DPY19L3: variants seen among roughly 807,000 people sequenced by gnomAD.
DPY19L3 encodes the protein protein C-mannosyl-transferase DPY19L3.
A neutral mutation model predicts 92.3 loss-of-function variants in DPY19L3; 51 were observed. The observed-to-expected ratio is 0.55, with a 90% CI of 0.44 to 0.70. The LOEUF is 0.70. DPY19L3 is among the 30% of genes least tolerant of loss of function. The pLI is 0.00. For missense variants in DPY19L3, 706 were observed against 855.9 expected, an observed-to-expected ratio of 0.82 and a Z score of 2.18; for synonymous variants, 309 against 315.2, an observed-to-expected ratio of 0.98 and a Z score of 0.21.
chr19:32,437,362 CT>C (rs751838391), intron 6 of DPY19L3, 23 bp downstream of exon 6: 9 of 1,576,522 alleles, frequency 5.7e-6, no homozygotes, highest in African/African-American at 1.4e-5. Flanking sequence ...CAGTATGCTT[CT>C]TTTTTTTCCA....
At chr19:32,421,763 T>C (rs1968579237) in intron 3 of DPY19L3, among the ~76,000 whole-genome samples, 1 of 151,686 alleles carries the variant, frequency 6.6e-6, no homozygotes, top group Non-Finnish European at 1.5e-5. Flanking sequence ...GACCATGGGA[T>C]GGGTGTGCAG....
intron 8 of DPY19L3, among the ~76,000 whole-genome samples, chr19:32,444,894 G>A (rs906651047): frequency 1.3e-5 from 2 of 150,996 alleles, no homozygotes; most frequent in Admixed American, 6.6e-5. Flanking sequence ...ACCAGCCTGG[G>A]CAACATGATG....
At chr19:32,416,999 T>G (rs1968400070) in intron 3 of DPY19L3, among the ~76,000 whole-genome samples, 1 of 152,230 alleles carries the variant, frequency 6.6e-6, no homozygotes, top group Admixed American at 6.5e-5. Flanking sequence ...GAGCTCACCC[T>G]GTCACCTGCT....
chr19:32,442,437 G>A (rs1969353035), intron 8 of DPY19L3, among the ~76,000 whole-genome samples: 1 of 152,168 alleles, frequency 6.6e-6, no homozygotes, highest in Admixed American at 6.5e-5. Context: ...CATGGTTCCA[G>A]ACAAGAGGGA....
intron 16 of DPY19L3, among the ~76,000 whole-genome samples, chr19:32,474,810 A>G (rs1599676647): frequency 6.6e-6 from 1 of 152,040 alleles, no homozygotes; most frequent in Non-Finnish European, 1.5e-5. Flanking sequence ...GGCTGGTCTC[A>G]GGCTCCTGAC....
intron 6 of DPY19L3, among the ~76,000 whole-genome samples, chr19:32,438,089 A>G (rs1969203563): frequency 6.6e-6 from 1 of 152,242 alleles, no homozygotes; most frequent in Non-Finnish European, 1.5e-5. Context: ...AATATCTACT[A>G]TTATAAGCAG....
At chr19:32,412,913 G>A (rs948289719) in intron 3 of DPY19L3, 7 of 151,836 alleles carry the variant, frequency 4.6e-5, no homozygotes, top group African/African-American at 1.7e-4. Context: ...CTGGGCAACA[G>A]AGCAATACTC....
chr19:32,472,630 C>G (rs1970392816), intron 16 of DPY19L3, among the ~76,000 whole-genome samples: 1 of 151,704 alleles, frequency 6.6e-6, no homozygotes, highest in Non-Finnish European at 1.5e-5. Flanking sequence ...TTTACCTCAG[C>G]AAGGCTGAAT....
chr19:32,455,715 C>T (rs1969842300), intron 10 of DPY19L3, among the ~76,000 whole-genome samples: 1 of 152,182 alleles, frequency 6.6e-6, no homozygotes, highest in Admixed American at 6.5e-5. Context: ...CATTTGGTAA[C>T]GTAGGCATCC....
rs796226351 is a variant in DPY19L3, at chr19:32,473,572, C to G, written c.1698-3950C>G. ...TAGAAAGGACAGTGAATATAAGTAT[C>G]TTTTTAAGTTTAGAAATGTGTGATT... is the stretch of plus-strand genomic sequence containing the variant. On this transcript the variant is annotated intron_variant, in intron 16 of 18. Coordinates refer to ENST00000392250, the MANE Select transcript of DPY19L3 (RefSeq NM_001172774.2). Among the ~76,000 whole-genome samples, 15 of 152,286 alleles carry G rather than the reference C, an allele frequency of 9.8e-5. 1 individual carries two copies. Among genetic ancestry groups the G allele is most frequent in the African/African-American group, 3.4e-4 (14 of 41,568 alleles).
chr19:32,450,616 T>C (rs746051317), intron 8 of DPY19L3, among the ~76,000 whole-genome samples: 38 of 152,162 alleles, frequency 2.5e-4, no homozygotes, highest in Non-Finnish European at 4.9e-4. Context: ...AGAAGATAGC[T>C]AAAAAGACTG....
At chr19:32,428,068 T>G (rs1170807087) in intron 3 of DPY19L3, 1 of 149,796 alleles carries the variant, frequency 6.7e-6, no homozygotes, top group African/African-American at 2.5e-5. Flanking sequence ...ACCTCCCGGA[T>G]TCAAGCAATT....
chr19:32,414,363 G>A (rs1599587282), intron 3 of DPY19L3, among the ~76,000 whole-genome samples: 2 of 151,890 alleles, frequency 1.3e-5, no homozygotes, highest in East Asian at 3.9e-4. Flanking sequence ...GGAGCTTGCA[G>A]TGAGCCGTGA....
intron 15 of DPY19L3, among the ~76,000 whole-genome samples, chr19:32,465,595 G>A (rs1366622359): frequency 2.0e-5 from 3 of 152,194 alleles, no homozygotes; most frequent in African/African-American, 7.2e-5. Flanking sequence ...GTGGCTAAAA[G>A]CAGGGGTGAT....
In DPY19L3 at chr19:32,439,163, G is replaced by T; in HGVS notation, c.648G>T (p.Ala216=). 6.2e-7 allele frequency: 1 copy of T among 1,613,150 alleles called. No individual in the cohort carries two copies. The highest frequency in any genetic ancestry group is 8.5e-7 in the Non-Finnish European group (1 of 1,179,440). The part of the protein sequence containing the change: ...EFTIPLRENW[A]LPFFAIQIAA... ...CCATCCCACTGAGGGAGAACTGGGC[G>T]CTGCCATTCTTTGCAATTCAGATAG... is the stretch of plus-strand genomic sequence containing the variant. Residue 216 remains alanine (A), a synonymous_variant, in exon 7 of 19, where the codon GCG becomes GCT. Coordinates refer to ENST00000392250, the MANE Select transcript of DPY19L3 (RefSeq NM_001172774.2).
intron 16 of DPY19L3, among the ~76,000 whole-genome samples, chr19:32,475,575 T>C (rs1042967956): frequency 6.6e-6 from 1 of 152,246 alleles, no homozygotes; most frequent in African/African-American, 2.4e-5. Flanking sequence ...AAACTAATAT[T>C]TGTTCATACT....
At chr19:32,449,257 G>A (rs1434443903) in intron 8 of DPY19L3, among the ~76,000 whole-genome samples, 1 of 152,154 alleles carries the variant, frequency 6.6e-6, no homozygotes, top group Admixed American at 6.5e-5. Flanking sequence ...ACACCACAAA[G>A]CATTGTTGAA....
At chr19:32,480,654 G>C in intron 18 of DPY19L3, 97 bp downstream of exon 18, 1 of 1,385,826 alleles carries the variant, frequency 7.2e-7, no homozygotes, top group Non-Finnish European at 9.7e-7. Context: ...TTAATGTCTA[G>C]TTGAATTACG....
chr19:32,474,744 C>A (rs868627224), intron 16 of DPY19L3, among the ~76,000 whole-genome samples: 4 of 152,252 alleles, frequency 2.6e-5, no homozygotes, highest in Admixed American at 6.5e-5. Context: ...GCACCCACCA[C>A]CACGCCTGGC....
Sources: allele counts gnomAD v4.1 joint callset (sites outside exome capture counted in the v4.1 genomes callset), GRCh38; gene constraint gnomAD v4.1.1; transcripts MANE v1.5; gene names NCBI Gene and HGNC (gene_info 2026-07-23, HGNC 2026-07-21).